The following B3GALT1 variants were observed in gnomAD, a reference collection of about 807,000 sequenced individuals.
B3GALT1 encodes the protein UDP-Gal:betaGlcNAc beta 1,3-galactosyltransferase, polypeptide 1.
In B3GALT1, 10 loss-of-function variants were observed where a neutral mutation model predicts 23.2. The ratio of observed to expected loss-of-function variants is 0.43; its 90% CI spans 0.27 to 0.73. The LOEUF is 0.73. Ranked by LOEUF, B3GALT1 falls within the 30% of genes least tolerant of loss-of-function variation. B3GALT1 has a pLI of 0.21. For missense variants in B3GALT1, 299 were observed against 405.4 expected (o/e 0.74, Z 2.25); for synonymous variants, 156 against 141.5 (o/e 1.10, Z -0.73).
intron 3 of B3GALT1, among the ~76,000 whole-genome samples, chr2:167,802,118 C>G (rs1296469311): frequency 1.3e-5 from 2 of 152,208 alleles, no homozygotes; most frequent in East Asian, 3.8e-4. Context: ...TGGGAATATA[C>G]TGTAGACCTG....
intron 2 of B3GALT1, among the ~76,000 whole-genome samples, chr2:167,637,051 C>G (rs956677055): frequency 3.3e-5 from 5 of 151,788 alleles, no homozygotes; most frequent in African/African-American, 1.2e-4. Flanking sequence ...TCCCAGCTAC[C>G]CTGATTAGTT....
At chr2:167,855,820 A>C (rs1017632808) in intron 4 of B3GALT1, among the ~76,000 whole-genome samples, 1 of 152,126 alleles carries the variant, frequency 6.6e-6, no homozygotes, top group Non-Finnish European at 1.5e-5. Context: ...TGTCTGATGG[A>C]CTTTCAAATT....
chr2:167,388,532 A>T (rs994569542), intron 1 of B3GALT1, among the ~76,000 whole-genome samples: 2 of 152,146 alleles, frequency 1.3e-5, no homozygotes, highest in Non-Finnish European at 2.9e-5. Context: ...CTACCTGAGA[A>T]TAAGAGAGTG....
chr2:167,523,240 C>A (rs538362055), intron 2 of B3GALT1, among the ~76,000 whole-genome samples: 24 of 152,094 alleles, frequency 1.6e-4, no homozygotes, highest in Non-Finnish European at 3.2e-4. Context: ...AGAATGACTT[C>A]TATAATGGAA....
chr2:167,392,150 A>T (rs1451786896), intron 1 of B3GALT1, among the ~76,000 whole-genome samples: 1 of 151,848 alleles, frequency 6.6e-6, no homozygotes, highest in African/African-American at 2.4e-5. Flanking sequence ...TCCTACGAGT[A>T]AACTAGACCA....
At chr2:167,399,692 C>T (rs1049599819) in intron 1 of B3GALT1, among the ~76,000 whole-genome samples, 6 of 151,972 alleles carry the variant, frequency 3.9e-5, no homozygotes, top group African/African-American at 1.4e-4. Flanking sequence ...TGAGATCTCT[C>T]CTACACTCCT....
intron 1 of B3GALT1, among the ~76,000 whole-genome samples, chr2:167,367,905 A>T (rs1559076964): frequency 6.6e-6 from 1 of 152,190 alleles, no homozygotes; most frequent in Non-Finnish European, 1.5e-5. Flanking sequence ...AGGTATAGCA[A>T]ATCAAATATA....
chr2:167,597,690 C>T (rs565748141), intron 2 of B3GALT1, among the ~76,000 whole-genome samples: 1 of 152,244 alleles, frequency 6.6e-6, no homozygotes, highest in East Asian at 1.9e-4. Flanking sequence ...AAGCAAACCC[C>T]TAGGGTTTTC....
chr2:167,575,306 C>T (rs1165067339), intron 2 of B3GALT1, among the ~76,000 whole-genome samples: 2 of 151,748 alleles, frequency 1.3e-5, no homozygotes, highest in Non-Finnish European at 3.0e-5. Flanking sequence ...TGTTTTCTGG[C>T]CACAAATACA....
intron 3 of B3GALT1, among the ~76,000 whole-genome samples, chr2:167,676,829 G>A (rs984739582): frequency 2.6e-5 from 4 of 152,092 alleles, no homozygotes; most frequent in African/African-American, 2.4e-5. Flanking sequence ...GAGCCACCGC[G>A]CCTGGCCCCA....
intron 1 of B3GALT1, among the ~76,000 whole-genome samples, chr2:167,416,368 C>T (rs902334145): frequency 6.6e-6 from 1 of 152,186 alleles, no homozygotes; most frequent in East Asian, 1.9e-4. Flanking sequence ...AAGTCGTCAA[C>T]CTTAGTGGCA....
chr2:167,529,978 G>GT (rs1382297919), intron 2 of B3GALT1, among the ~76,000 whole-genome samples: 1 of 152,058 alleles, frequency 6.6e-6, no homozygotes, highest in Non-Finnish European at 1.5e-5. Context: ...CATCTTTAAA[G>GT]TAATATTTCA....
chr2:167,703,919 C>T (rs942801572), intron 3 of B3GALT1, among the ~76,000 whole-genome samples: 1 of 152,106 alleles, frequency 6.6e-6, no homozygotes, highest in Non-Finnish European at 1.5e-5. Context: ...CGGTGGCTCA[C>T]ACCTGTAATC....
At chr2:167,839,338 T>C (rs1216670582) in intron 4 of B3GALT1, among the ~76,000 whole-genome samples, 4 of 151,950 alleles carry the variant, frequency 2.6e-5, no homozygotes, top group African/African-American at 9.7e-5. Flanking sequence ...AGTCTCAGGA[T>C]ACAAAATCAA....
intron 1 of B3GALT1, among the ~76,000 whole-genome samples, chr2:167,325,931 T>A (rs1696885732): frequency 6.6e-6 from 1 of 151,880 alleles, no homozygotes; most frequent in Admixed American, 6.6e-5. Flanking sequence ...TTGGCTAGGC[T>A]GGTCTTGAGC....
At chr2:167,760,758 T>G (rs1344742455) in intron 3 of B3GALT1, among the ~76,000 whole-genome samples, 1 of 152,204 alleles carries the variant, frequency 6.6e-6, no homozygotes, top group Non-Finnish European at 1.5e-5. Context: ...GCTTCTTCGT[T>G]AGTTTCTCAA....
chr2:167,535,176 T>G (rs1221618215), intron 2 of B3GALT1, among the ~76,000 whole-genome samples: 1 of 152,116 alleles, frequency 6.6e-6, no homozygotes, highest in Non-Finnish European at 1.5e-5. Context: ...GTATAAAGAA[T>G]AAAAGCAGTA....
intron 3 of B3GALT1, chr2:167,714,842 A>C: frequency 6.2e-7 from 1 of 1,609,746 alleles, no homozygotes; most frequent in Non-Finnish European, 8.5e-7. Context: ...TTATTCCTCT[A>C]TCTGGTAATT....
chr2:167,334,918 T>G (rs1697035561), intron 1 of B3GALT1, among the ~76,000 whole-genome samples: 1 of 152,212 alleles, frequency 6.6e-6, no homozygotes, highest in South Asian at 2.1e-4. Context: ...GATTGTGTTT[T>G]GTAATTTTAT....
Sources: allele counts gnomAD v4.1 joint callset (sites outside exome capture counted in the v4.1 genomes callset), GRCh38; gene constraint gnomAD v4.1.1; transcripts MANE v1.5; gene names NCBI Gene and HGNC (gene_info 2026-07-23, HGNC 2026-07-21).